The following MED16 variants were observed in gnomAD, a reference collection of about 807,000 sequenced individuals.
MED16 encodes mediator of RNA polymerase II transcription subunit 16.
Under a neutral mutation model 84.4 loss-of-function variants are expected in MED16, and 81 were observed. The ratio of observed to expected loss-of-function variants is 0.96; its 90% CI spans 0.80 to 1.15. The LOEUF (loss-of-function observed/expected upper bound fraction) is 1.15. Among genes scored for constraint, MED16 ranks in the 50% most tolerant of loss-of-function variants. MED16 has a pLI of 0.00. For missense variants in MED16, 1,585 were observed against 1,245.9 expected (o/e 1.27, Z -4.10); for synonymous variants, 897 against 552.2 (o/e 1.62, Z -8.76).
In MED16 at chr19:868,493, G is replaced by A. The variant is rs1169039510; in HGVS notation, c.2406C>T (p.Gly802=). 1.1e-5 allele frequency: 18 copies of A among 1,610,226 alleles called. No individual in the cohort carries two copies. Among genetic ancestry groups the A allele is most frequent in the African/African-American group, 2.7e-5 (2 of 75,052 alleles). Residue 802 remains glycine (G), a synonymous_variant, in exon 15 of 16, where the codon GGC becomes GGT. Transcript: ENST00000325464. ...TGGGCGACTTGAGCATGGTGACACA[G>A]CCGCACCTGCGGGGAGGCAGGCACT... is the stretch of plus-strand genomic sequence containing the variant. ...TEECKACTRC[G]CVTMLKSPNR...
intron 7 of MED16, among the ~76,000 whole-genome samples, chr19:881,204 C>T (rs889022669): frequency 3.9e-5 from 6 of 152,196 alleles, no homozygotes; most frequent in African/African-American, 1.2e-4. Context: ...ACGGATGCCA[C>T]GGTTTGAGCT....
At chr19:871,723 C>CA (rs2036063881) in intron 12 of MED16, 23 of 874,720 alleles carry the variant, frequency 2.6e-5, no homozygotes, top group African/African-American at 4.9e-5. Flanking sequence ...TATGTTCTGG[C>CA]GGGGGGCTCA....
At chr19:869,192 T>G (rs1013014525) in intron 13 of MED16, among the ~76,000 whole-genome samples, 9 of 151,402 alleles carry the variant, frequency 5.9e-5, no homozygotes, top group Admixed American at 4.6e-4. Flanking sequence ...GCTTGAGGCT[T>G]AGAGACCCAG....
intron 11 of MED16, 105 bp downstream of exon 11, chr19:873,344 G>A (rs1436563809): frequency 1.1e-6 from 1 of 931,670 alleles, no homozygotes; most frequent in East Asian, 3.0e-5. Flanking sequence ...ACTCCAACTA[G>A]GGGCGGGGCT....
At chr19:885,599 G>A (rs2145243897) in intron 5 of MED16, among the ~76,000 whole-genome samples, 171 bp downstream of exon 5, 1 of 152,296 alleles carries the variant, frequency 6.6e-6, no homozygotes, top group East Asian at 1.9e-4. Context: ...GCCTCCAGAT[G>A]CTGGGAAAGG....
chr19:868,494 C>A lies in MED16; in HGVS notation c.2405G>T (p.Gly802Val). The stretch of plus-strand genomic sequence containing the variant: ...GGGCGACTTGAGCATGGTGACACAG[C>A]CGCACCTGCGGGGAGGCAGGCACTG... ...TEECKACTRC[G>V]CVTMLKSPNR... Residue 802 changes from glycine (G) to valine (V), a missense_variant, in exon 15 of 16, where the codon GGC becomes GTC. Gly to Val is a moderately radical substitution (Grantham distance 109, BLOSUM62 -3). Transcript: ENST00000325464. 6.2e-7 allele frequency: 1 copy of A among 1,610,244 alleles called. No individual in the cohort carries two copies. Among genetic ancestry groups the A allele is most frequent in the African/African-American group, 1.3e-5 (1 of 75,054 alleles).
chr19:874,490 G>A (rs1247848247), intron 10 of MED16, among the ~76,000 whole-genome samples: 1 of 152,188 alleles, frequency 6.6e-6, no homozygotes, highest in African/African-American at 2.4e-5. Flanking sequence ...GCAGAGGCGA[G>A]TAGGACACCA....
At chr19:872,198 A>G in intron 11 of MED16, 80 bp from the exon 12 acceptor site, 1 of 1,263,178 alleles carries the variant, frequency 7.9e-7, no homozygotes, top group Non-Finnish European at 1.1e-6. Context: ...GGTCGGTGGA[A>G]CCCCGACCGG....
chr19:883,069 G>C (rs1301221140), intron 6 of MED16, among the ~76,000 whole-genome samples: 1 of 152,192 alleles, frequency 6.6e-6, no homozygotes, highest in Non-Finnish European at 1.5e-5. Flanking sequence ...CCCAGCTAGT[G>C]GCCAGGGTAC....
intron 12 of MED16, 129 bp downstream of exon 12, chr19:871,782 GGGGAGAGCGGGGAGA>G (rs2036068221): frequency 2.6e-6 from 1 of 387,370 alleles, no homozygotes; most frequent in Non-Finnish European, 4.7e-6. Flanking sequence ...AGAGGGGAGA[GGGGAGAGCGGGGAGA>G]AGGGAGAGCG....
At chr19:879,420 C>T (rs1461319737) in intron 8 of MED16, among the ~76,000 whole-genome samples, 44 of 138,396 alleles carry the variant, frequency 3.2e-4, no homozygotes, top group South Asian at 1.4e-3. Flanking sequence ...GTTGTCAATG[C>T]CCACCAACCC....
At chr19:889,616 C>T (rs1424695451) in intron 4 of MED16, 22 bp downstream of exon 4, 2 of 1,594,346 alleles carry the variant, frequency 1.3e-6, no homozygotes, top group South Asian at 1.1e-5. Context: ...GCCTCATCCG[C>T]TCACTCGGGC....
At chr19:877,262 C>A (rs1333759682) in intron 8 of MED16, 82 bp from the exon 9 acceptor site, 6 of 1,385,968 alleles carry the variant, frequency 4.3e-6, no homozygotes, top group Admixed American at 2.0e-5. Flanking sequence ...CCTGGGGCTG[C>A]GGCACGTGTG....
chr19:870,588 G>A (rs1213568550), intron 13 of MED16, among the ~76,000 whole-genome samples: 3 of 150,370 alleles, frequency 2.0e-5, no homozygotes, highest in Non-Finnish European at 4.4e-5. Flanking sequence ...AAAAAAGGGA[G>A]AGGGTGAATG....
intron 7 of MED16, among the ~76,000 whole-genome samples, chr19:880,389 C>A (rs1390676299): frequency 6.6e-6 from 1 of 152,236 alleles, no homozygotes; most frequent in African/African-American, 2.4e-5. Context: ...CTCCCCGCCC[C>A]TCCCAGCTGG....
intron 2 of MED16, among the ~76,000 whole-genome samples, chr19:890,603 TCAAA>T (rs1251079606): frequency 6.6e-6 from 1 of 152,130 alleles, no homozygotes; most frequent in Non-Finnish European, 1.5e-5. Context: ...TGCCTATTAC[TCAAA>T]CAATGGAGAG....
At chr19:868,835 G>C (rs751574554) in intron 14 of MED16, 28 bp downstream of exon 14, 8 of 1,541,756 alleles carry the variant, frequency 5.2e-6, no homozygotes, top group Non-Finnish European at 7.0e-6. Flanking sequence ...CACATCTCTG[G>C]GAGTCAGCGG....
chr19:869,010 C>T, intron 13 of MED16, 64 bp from the exon 14 acceptor site: 1 of 1,394,594 alleles, frequency 7.2e-7, no homozygotes, highest in Non-Finnish European at 9.7e-7. Context: ...CCGGCAGGGG[C>T]ATCTGTCCAC....
At chr19:875,756 G>A (rs2036216054) in intron 9 of MED16, among the ~76,000 whole-genome samples, 1 of 152,110 alleles carries the variant, frequency 6.6e-6, no homozygotes. Context: ...GGTGGAGGCT[G>A]GGGAGGCTGC....
Sources: allele counts gnomAD v4.1 joint callset (sites outside exome capture counted in the v4.1 genomes callset), GRCh38; gene constraint gnomAD v4.1.1; transcripts MANE v1.5; gene names NCBI Gene and HGNC (gene_info 2026-07-23, HGNC 2026-07-21).